The following AP4B1 variants were observed in gnomAD, a reference collection of about 807,000 sequenced individuals.
AP4B1 encodes the protein AP-4 complex subunit beta-1.
In AP4B1, 49 loss-of-function variants were observed where a neutral mutation model predicts 76.5. That is an observed-to-expected ratio of 0.64 (90% CI 0.51 to 0.81). The LOEUF (loss-of-function observed/expected upper bound fraction) is 0.81. AP4B1 is among the 40% of genes least tolerant of loss of function. AP4B1 has a pLI of 0.00. For missense variants in AP4B1, 911 were observed against 904.9 expected, an observed-to-expected ratio of 1.01 and a Z score of -0.09; for synonymous variants, 330 against 333.3, an observed-to-expected ratio of 0.99 and a Z score of 0.11.
At chr1:113,901,054 C>T (rs1448936481) in intron 4 of AP4B1, 182 bp downstream of exon 4, 7 of 826,720 alleles carry the variant, frequency 8.5e-6, no homozygotes, top group Non-Finnish European at 1.1e-5. Context: ...TTGCGGTAAG[C>T]CGAGATAGCG....
intron 8 of AP4B1, 35 bp downstream of exon 8, chr1:113,896,223 T>C: frequency 6.2e-7 from 1 of 1,612,042 alleles, no homozygotes; most frequent in Non-Finnish European, 8.5e-7. Context: ...TTACTATGGG[T>C]CATGGCAAAT....
At chr1:113,904,923 T>G, upstream of AP4B1, 3 of 558,884 alleles carry the variant, frequency 5.4e-6, no homozygotes, top group Non-Finnish European at 6.6e-6. Flanking sequence ...AGCCCCACCC[T>G]AGGCTCTTCA....
Position 113,895,816 on chromosome 1 carries a change from C to A in AP4B1, c.1733G>T (p.Cys578Phe). 2 of 1,614,226 alleles carry A rather than the reference C, an allele frequency of 1.2e-6. No individual in the cohort carries two copies. Among genetic ancestry groups the A allele is most frequent in the Non-Finnish European group, 1.7e-6 (2 of 1,180,042 alleles). ...TGGGTCACAACGCTCTGCCCCCTGG[C>A]ATTTAGAGATAGTTGCCCAGTGGGC... ...GKAHWATISKCQGAERCDPEL... is the reference protein window; with the variant it reads ...GKAHWATISKFQGAERCDPEL... Residue 578 changes from cysteine to phenylalanine, a missense_variant, in exon 9 of 10, where the codon TGC becomes TTC. Coordinates refer to ENST00000369569, the MANE Select transcript of AP4B1 (RefSeq NM_001253852.3).
At chr1:113,901,194 G>A (rs1668207773) in intron 4 of AP4B1, 42 bp downstream of exon 4, 1 of 1,610,590 alleles carries the variant, frequency 6.2e-7, no homozygotes, top group East Asian at 2.2e-5. Flanking sequence ...ATCCCACAAG[G>A]TAGCAGATCT....
chr1:113,895,973 T>C lies in AP4B1; in HGVS notation c.1576A>G (p.Ile526Val), dbSNP rs1292811669. 1.1e-5 allele frequency: 18 copies of C among 1,614,096 alleles called. No individual in the cohort carries two copies. The highest frequency in any genetic ancestry group is 1.4e-5 in the Non-Finnish European group (17 of 1,180,044). The change falls in exon 9 of 10, where the codon ATT becomes GTT. Residue 526 changes from isoleucine (I) to valine (V), a missense_variant. Physicochemically the swap from Ile to Val is conservative, Grantham distance 29 (BLOSUM62 3). Transcript: ENST00000369569. ...CACAGAATCCGCTTAACTTCATCAA[T>C]GCCAACTAAGAGGAGGCGATAATAG... ...LFYYRLLLVG[I>V]DEVKRILCSP...
Position 113,900,190 on chromosome 1 carries a change from C to T in AP4B1, c.828G>A (p.Arg276=). The part of the protein sequence containing the change: ...FPHVQTDVLV[R]VKGPLLAACS... ...AGGCAGCTAGCAAAGGTCCCTTGAC[C>T]CGCACAAGGACATCAGTTTGTACGT... Residue 276 remains arginine, a synonymous_variant, in exon 5 of 10, where the codon CGG becomes CGA. Coordinates refer to ENST00000369569, the MANE Select transcript of AP4B1 (RefSeq NM_001253852.3). 6.2e-7 allele frequency: 1 copy of T among 1,614,138 alleles called. No individual in the cohort carries two copies. The highest frequency in any genetic ancestry group is 1.6e-4 in the Middle Eastern group (1 of 6,062).
At chr1:113,904,836 G>A (rs372253721), upstream of AP4B1, 3 of 923,798 alleles carry the variant, frequency 3.2e-6, no homozygotes, top group Non-Finnish European at 5.3e-6. Context: ...CAAAAGGCGA[G>A]ATCTCGCCTC....
In AP4B1 at chr1:113,901,804, T is replaced by C; in HGVS notation, c.420A>G (p.Ala140=). The C allele has an allele frequency of 6.2e-7, 1 of 1,614,210 alleles. No homozygotes were observed. The highest frequency in any genetic ancestry group is 1.6e-4 in the Middle Eastern group (1 of 6,062). Reference sequence around the variant, plus strand: ...TATGCATCTTGGCACATCCAAGGACTGCCACTCTCCTGACATATGAAGCCT... The same window carrying C: ...TATGCATCTTGGCACATCCAAGGACCGCCACTCTCCTGACATATGAAGCCT... The part of the protein sequence containing the change: ...RDKASYVRRV[A]VLGCAKMHNL... Residue 140 remains alanine (A), a synonymous_variant, in exon 3 of 10, where the codon GCA becomes GCG. Coordinates refer to ENST00000369569, the MANE Select transcript of AP4B1 (RefSeq NM_001253852.3).
In AP4B1 at chr1:113,894,618, T is replaced by C. The variant is rs1337675587; in HGVS notation, c.*447A>G. 5.9e-6 allele frequency: 1 copy of C among 169,814 alleles called. No individual in the cohort carries two copies. Among genetic ancestry groups the C allele is most frequent in the Non-Finnish European group, 1.3e-5 (1 of 78,670 alleles). The allele number at this position is 169,814 out of a possible 1,614,324, so 10.5% of individuals were successfully genotyped here. A position where few individuals can be genotyped will look rare whatever the true frequency, so the allele number is the denominator to read the frequency against. On this transcript the variant is annotated 3_prime_UTR_variant, in exon 10 of 10. Transcript: ENST00000369569. The stretch of plus-strand genomic sequence containing the variant: ...GTGGCAAGACTTGACACCAAAGAGG[T>C]ACTTTAGATGACATTAAGGACTTTG...
chr1:113,901,047 C>T (rs761526774), intron 4 of AP4B1, 189 bp downstream of exon 4: 69 of 752,624 alleles, frequency 9.2e-5, no homozygotes, highest in Non-Finnish European at 1.3e-4. Flanking sequence ...GCGGAGGTTG[C>T]GGTAAGCCGA....
intron 5 of AP4B1, chr1:113,899,429 G>A (rs1667928915): frequency 1.2e-6 from 1 of 825,126 alleles, no homozygotes; most frequent in Non-Finnish European, 1.5e-6. Flanking sequence ...CTCAATAAAT[G>A]ACTGGTGGAT....
rs1234773784 is a variant in AP4B1 at position 113,904,722 on chromosome 1, C to G, written c.-5G>C. The G allele has an allele frequency of 6.2e-7, 1 of 1,611,884 alleles. No individual in the cohort carries two copies. The highest frequency in any genetic ancestry group is 8.5e-7 in the Non-Finnish European group (1 of 1,179,682). ...CTCGGAGCCAAGGTACGGCATCTTC[C>G]TAAGAGTCACAGGGCAGCTCCCACA... On this transcript the variant is annotated 5_prime_UTR_variant, in exon 1 of 10. Transcript: ENST00000369569.
chr1:113,899,755 G>A (rs1457278498), intron 5 of AP4B1, 149 bp downstream of exon 5: 27 of 1,252,004 alleles, frequency 2.2e-5, no homozygotes, highest in Middle Eastern at 1.9e-4. Flanking sequence ...CTCTTCCCCC[G>A]TGTTTGTAGT....
Position 113,900,547 on chromosome 1 carries a change from G to A in AP4B1, c.618-147C>T, listed in dbSNP as rs1668108175. On this transcript the variant is annotated intron_variant, in intron 4 of 9. Coordinates refer to ENST00000369569, the MANE Select transcript of AP4B1 (RefSeq NM_001253852.3). ...GTGCCATAATTAAGTCACTTTTCAT[G>A]TACTATTTAAAGTTTACACAAAAAA... is the stretch of plus-strand genomic sequence containing the variant. 5.1e-6 allele frequency: 5 copies of A among 985,808 alleles called. No individual in the cohort carries two copies. In the South Asian group the frequency reaches 8.3e-5, roughly 16 times the overall value. 61.1% of individuals were successfully genotyped at this position (985,808 alleles called of 1,614,324 possible).
chr1:113,901,686 C>A lies in AP4B1; in HGVS notation c.469+69G>T. The A allele has an allele frequency of 3.1e-6, 5 of 1,596,054 alleles. No homozygotes were observed. The Admixed American group carries it at 5.0e-5, about 16-fold the overall frequency. The stretch of plus-strand genomic sequence containing the variant: ...GCCACATTATTATTTTCTACCAAAG[C>A]CACACAATCTTTTTTAAAGTTATAC... On this transcript the variant is annotated intron_variant, in intron 3 of 9. Transcript: ENST00000369569.
At position 113,898,744 on chromosome 1, in the gene AP4B1, C is replaced by A; in HGVS notation, c.1172G>T (p.Gly391Val). The A allele has an allele frequency of 1.2e-6, 2 of 1,609,786 alleles. No homozygotes were observed. Among genetic ancestry groups the A allele is most frequent in the Non-Finnish European group, 1.7e-6 (2 of 1,179,932 alleles). Residue 391 changes from glycine (G) to valine (V), a missense_variant, in exon 6 of 10, where the codon GGT (glycine) becomes GTT (valine). Coordinates refer to ENST00000369569, the MANE Select transcript of AP4B1 (RefSeq NM_001253852.3). The stretch of plus-strand genomic sequence containing the variant: ...TGTGGTAATGTGCTCTTGTCGAAGA[C>A]CCAGCAACTCTGTTAAAATCTGAAC... Reference protein sequence around the residue: ...QCVQILTELLGLRQEHITTVV... With the variant: ...QCVQILTELLVLRQEHITTVV...
intron 1 of AP4B1, among the ~76,000 whole-genome samples, chr1:113,904,140 A>T (rs1355933649): frequency 6.6e-6 from 1 of 152,228 alleles, no homozygotes; most frequent in East Asian, 1.9e-4. Context: ...AAACCATCTG[A>T]CATAAGAAGT....
chr1:113,894,970 T>C lies in AP4B1; in HGVS notation c.*95A>G. 2 of 1,318,244 alleles carry C rather than the reference T, an allele frequency of 1.5e-6. No individual in the cohort carries two copies. Among genetic ancestry groups the C allele is most frequent in the Non-Finnish European group, 2.1e-6 (2 of 953,546 alleles). The allele number at this position is 1,318,244 out of a possible 1,614,324, so 81.7% of individuals were successfully genotyped here. On this transcript the variant is annotated 3_prime_UTR_variant, in exon 10 of 10. Coordinates refer to ENST00000369569, the MANE Select transcript of AP4B1 (RefSeq NM_001253852.3). ...TCTAGATTTTCCACTCTCCTTTGTA[T>C]CTGATATTATCTGGACTTACTGGCA... is the stretch of plus-strand genomic sequence containing the variant.
At position 113,895,813 on chromosome 1, in the gene AP4B1, T is replaced by C. The variant is rs1201484908; in HGVS notation, c.1736A>G (p.Gln579Arg). The C allele has an allele frequency of 3.1e-6, 5 of 1,614,258 alleles. No homozygotes were observed. The highest frequency in any genetic ancestry group is 3.3e-5 in the Admixed American group (2 of 60,032). Residue 579 changes from glutamine to arginine, a missense_variant, in exon 9 of 10, where the codon CAG becomes CGG. Coordinates refer to ENST00000369569, the MANE Select transcript of AP4B1 (RefSeq NM_001253852.3). ...CTCTGGGTCACAACGCTCTGCCCCC[T>C]GGCATTTAGAGATAGTTGCCCAGTG... is the stretch of plus-strand genomic sequence containing the variant. ...KAHWATISKCQGAERCDPELP... is the reference protein window; with the variant it reads ...KAHWATISKCRGAERCDPELP...
Sources: gnomAD v4.1 joint callset for allele counts (sites outside exome capture counted in the v4.1 genomes callset) on GRCh38, gnomAD v4.1.1 for gene constraint, MANE v1.5 for transcripts, NCBI Gene and HGNC (gene_info 2026-07-23, HGNC 2026-07-21) for gene names.